CAPN1: variants seen among roughly 807,000 people sequenced by gnomAD.
CAPN1 encodes the protein calpain-1 catalytic subunit.
A neutral mutation model predicts 105.2 loss-of-function variants in CAPN1; 77 were observed. The observed-to-expected ratio is 0.73, with a 90% CI of 0.61 to 0.88. The LOEUF (loss-of-function observed/expected upper bound fraction) is 0.88. Ranked by LOEUF, CAPN1 falls within the 40% of genes least tolerant of loss-of-function variation. CAPN1 has a pLI of 0.00. For synonymous variants in CAPN1, 355 were observed against 388.8 expected (o/e 0.91, Z 1.02); for missense variants, 833 against 976.6 (o/e 0.85, Z 1.96).
rs1948588598 is a variant in CAPN1 at position 65,183,711 on chromosome 11, T to G, written c.456+119T>G. ...GGCCAGCCCTCCCTCTAGCAGGTATTTGACCTCTCAGTGCCATCTCGGGTC... is the reference window on the plus strand; with the variant it reads ...GGCCAGCCCTCCCTCTAGCAGGTATGTGACCTCTCAGTGCCATCTCGGGTC... On this transcript the variant is annotated intron_variant, in intron 4 of 21. Transcript: ENST00000279247. 3 of 689,036 alleles carry G rather than the reference T, an allele frequency of 4.4e-6. No homozygotes were observed. In the Admixed American group the frequency reaches 6.9e-5, roughly 16 times the overall value. The allele number at this position is 689,036 out of a possible 1,614,324, so 42.7% of individuals were successfully genotyped here.
intron 4 of CAPN1, among the ~76,000 whole-genome samples, chr11:65,184,026 A>G (rs1948593874): frequency 6.6e-6 from 1 of 152,108 alleles, no homozygotes; most frequent in South Asian, 2.1e-4. Flanking sequence ...CAGAAAAGAA[A>G]GACTCGGGAT....
At chr11:65,183,394 C>T (rs1307000906) in intron 3 of CAPN1, 80 bp from the exon 4 acceptor site, 3 of 1,230,164 alleles carry the variant, frequency 2.4e-6, no homozygotes, top group Non-Finnish European at 2.4e-6. Flanking sequence ...GGCCAAGGAA[C>T]CCCAGATTCT....
upstream of CAPN1, chr11:65,181,556 CG>C: frequency 4.9e-6 from 2 of 404,660 alleles, no homozygotes; most frequent in South Asian, 3.4e-5. This position sits in a 1 kb window ranked among gnomAD's most constrained non-coding sequence, Gnocchi z 4.6. Flanking sequence ...CGCCAGGGCG[CG>C]CGTGGGGTGC....
chr11:65,199,063 G>A (rs1242025676), intron 10 of CAPN1, among the ~76,000 whole-genome samples: 1 of 152,118 alleles, frequency 6.6e-6, no homozygotes, highest in Non-Finnish European at 1.5e-5. Context: ...TCGAACACCT[G>A]GCCTCAAGTG....
At chr11:65,200,270 G>T (rs1474299360) in intron 10 of CAPN1, among the ~76,000 whole-genome samples, 1 of 151,902 alleles carries the variant, frequency 6.6e-6, no homozygotes, top group East Asian at 1.9e-4. Context: ...TGAGCTCCAG[G>T]ACTCATGCGA....
chr11:65,200,966 A>C, intron 10 of CAPN1, among the ~76,000 whole-genome samples: 1 of 69,986 alleles, frequency 1.4e-5, no homozygotes, highest in Non-Finnish European at 2.5e-5. Context: ...TTTTTTTGAG[A>C]CGGAGTCTGG....
At chr11:65,207,574 C>T (rs996302162) in intron 14 of CAPN1, among the ~76,000 whole-genome samples, 1 of 151,608 alleles carries the variant, frequency 6.6e-6, no homozygotes, top group African/African-American at 2.4e-5. Flanking sequence ...GGATATGGGG[C>T]GGGGCAGGGC....
chr11:65,182,525 A>G (rs768047495), intron 1 of CAPN1, 176 bp from the exon 2 acceptor site: 32 of 622,742 alleles, frequency 5.1e-5, no homozygotes, highest in Non-Finnish European at 7.7e-5. Flanking sequence ...TCCTGGATTC[A>G]CTGGGAGCAC....
At position 65,182,953 on chromosome 11, in the gene CAPN1, G is replaced by A; in HGVS notation, c.252G>A (p.Lys84=). The A allele has an allele frequency of 1.9e-6, 3 of 1,613,582 alleles. No homozygotes were observed. Among genetic ancestry groups the A allele is most frequent in the South Asian group, 1.1e-5 (1 of 91,052 alleles). The change falls in exon 2 of 22, where the codon AAG becomes AAA. Residue 84 remains lysine, a synonymous_variant. Coordinates refer to ENST00000279247, the MANE Select transcript of CAPN1 (RefSeq NM_005186.4). ...ATTCCTCCAAGACCTATGGCATCAA[G>A]TGGAAGCGTCCCACGGTGAGAGGGG... is the stretch of plus-strand genomic sequence containing the variant. ...GPNSSKTYGI[K]WKRPTELLSN...
chr11:65,194,109 G>A (rs918860373), intron 10 of CAPN1, among the ~76,000 whole-genome samples: 1 of 151,362 alleles, frequency 6.6e-6, no homozygotes, highest in Non-Finnish European at 1.5e-5. Flanking sequence ...TTACAGGCAT[G>A]CGCCACCATG....
Position 65,210,174 on chromosome 11 carries a change from C to T in CAPN1, c.1942+78C>T. 7.8e-7 allele frequency: 1 copy of T among 1,278,158 alleles called. No individual in the cohort carries two copies. Among genetic ancestry groups the T allele is most frequent in the Non-Finnish European group, 1.1e-6 (1 of 877,522 alleles). 79.2% of individuals were successfully genotyped at this position (1,278,158 alleles called of 1,614,324 possible). On this transcript the variant is annotated intron_variant, in intron 19 of 21. Coordinates refer to ENST00000279247, the MANE Select transcript of CAPN1 (RefSeq NM_005186.4). This position sits in a 1 kb window ranked among gnomAD's most constrained non-coding sequence, Gnocchi z 4.3. ...TGCTCCTATGCCCCAGGCCCTTGTC[C>T]CTGGGGTGCTAGTGGTGACATGGTA...
intron 10 of CAPN1, 88 bp from the exon 11 acceptor site, chr11:65,204,595 C>G (rs746328749): frequency 5.1e-5 from 58 of 1,140,448 alleles, no homozygotes; most frequent in Non-Finnish European, 6.9e-5. Context: ...TGAATGAATG[C>G]GTGCACAGGG....
In CAPN1 at chr11:65,186,262, G is replaced by T. The variant is rs748491783; in HGVS notation, c.683G>T (p.Arg228Leu). ...GGGGTTACCGAGTGGTACGAGTTGCGCAAGGCTCCCAGTGACCTCTACCAG... is the reference window on the plus strand; with the variant it reads ...GGGGTTACCGAGTGGTACGAGTTGCTCAAGGCTCCCAGTGACCTCTACCAG... ...TGGVTEWYEL[R>L]KAPSDLYQII... Residue 228 changes from arginine (R) to leucine (L), a missense_variant, in exon 6 of 22, where the codon CGC (arginine) becomes CTC (leucine). Arg to Leu is a moderately radical substitution (Grantham distance 102). Coordinates refer to ENST00000279247, the MANE Select transcript of CAPN1 (RefSeq NM_005186.4). 6.2e-7 allele frequency: 1 copy of T among 1,613,452 alleles called. No individual in the cohort carries two copies. The highest frequency in any genetic ancestry group is 1.1e-5 in the South Asian group (1 of 91,006).
Position 65,210,787 on chromosome 11 carries a change from C to T in CAPN1, c.2060-27C>T, listed in dbSNP as rs768895716. The T allele has an allele frequency of 5.0e-6, 8 of 1,601,318 alleles. No homozygotes were observed. The South Asian group carries it at 7.7e-5, about 15-fold the overall frequency. On this transcript the variant is annotated intron_variant, in intron 20 of 21. Coordinates refer to ENST00000279247, the MANE Select transcript of CAPN1 (RefSeq NM_005186.4). The surrounding 1 kb of genome is among the most constrained non-coding windows in gnomAD (Gnocchi z 4.3). Reference sequence around the variant, plus strand: ...TGAATATCCCACTGAGTTTTCAGCCCTGTATCACCTTTTCTTGAACACACA... The same window carrying T: ...TGAATATCCCACTGAGTTTTCAGCCTTGTATCACCTTTTCTTGAACACACA...
chr11:65,209,218 C>T lies in CAPN1; in HGVS notation c.1730-105C>T, dbSNP rs1565422765. Reference sequence around the variant, plus strand: ...TCCTCTGCCAGATATTGCACCCACTCGTCAGGATTTGTGCGTCCTTGACTC... The same window carrying T: ...TCCTCTGCCAGATATTGCACCCACTTGTCAGGATTTGTGCGTCCTTGACTC... On this transcript the variant is annotated intron_variant, in intron 16 of 21. Transcript: ENST00000279247. The surrounding 1 kb of genome is among the most constrained non-coding windows in gnomAD (Gnocchi z 4.1). 1.2e-6 allele frequency: 1 copy of T among 800,268 alleles called. No homozygotes were observed. Among genetic ancestry groups the T allele is most frequent in the South Asian group, 1.5e-5 (1 of 68,416 alleles). The allele number at this position is 800,268 out of a possible 1,614,324, so 49.6% of individuals were successfully genotyped here.
intron 14 of CAPN1, among the ~76,000 whole-genome samples, chr11:65,207,798 A>G (rs1267742307): frequency 6.6e-6 from 1 of 152,100 alleles, no homozygotes; most frequent in African/African-American, 2.4e-5. Context: ...CTTTAATCCC[A>G]GCTACTCAGG....
In CAPN1 at chr11:65,206,534, G is replaced by A. The variant is rs1337210373; in HGVS notation, c.1425G>A (p.Glu475=). 1 of 1,613,344 alleles carries A rather than the reference G, an allele frequency of 6.2e-7. No individual in the cohort carries two copies. The highest frequency in any genetic ancestry group is 8.5e-7 in the Non-Finnish European group (1 of 1,179,886). ...FLANASRARS[E]QFINLREVST... Reference sequence around the variant, plus strand: ...CCAATGCGTCTCGGGCGCGCTCAGAGCAGTTCATCAACCTGCGAGAGGTCA... The same window carrying A: ...CCAATGCGTCTCGGGCGCGCTCAGAACAGTTCATCAACCTGCGAGAGGTCA... Residue 475 remains glutamate (E), a synonymous_variant, in exon 13 of 22, where the codon GAG becomes GAA. Coordinates refer to ENST00000279247, the MANE Select transcript of CAPN1 (RefSeq NM_005186.4).
chr11:65,205,701 C>G lies in CAPN1; in HGVS notation c.1342-9C>G. The G allele has an allele frequency of 6.2e-7, 1 of 1,613,582 alleles. No homozygotes were observed. ...CACATCTCTGACTTCCCCTGTCTCT[C>G]TATTGCAGGTCCCTCCGGAGGTAGG... On this transcript the variant is annotated splice_polypyrimidine_tract_variant and intron_variant, in intron 11 of 21. Coordinates refer to ENST00000279247, the MANE Select transcript of CAPN1 (RefSeq NM_005186.4).
rs536052181 is a variant in CAPN1 at position 65,198,871 on chromosome 11, G to T, written c.1166-5812G>T. Among the ~76,000 whole-genome samples, 6 of 152,308 alleles carry T rather than the reference G, an allele frequency of 3.9e-5. No individual in the cohort carries two copies. The South Asian group carries it at 1.0e-3, about 26-fold the overall frequency. ...GGGGCAGTTGACGGAGTCGCGCTCT[G>T]TCGCCCAGGCTGGAGTGCAGTGGCG... On this transcript the variant is annotated intron_variant, in intron 10 of 21. Coordinates refer to ENST00000279247, the MANE Select transcript of CAPN1 (RefSeq NM_005186.4).
Sources: gnomAD v4.1 joint callset for allele counts (sites outside exome capture counted in the v4.1 genomes callset) on GRCh38, gnomAD v4.1.1 for gene constraint, Gnocchi (gnomAD v3.1) non-coding constraint, MANE v1.5 for transcripts, NCBI Gene and HGNC (gene_info 2026-07-23, HGNC 2026-07-21) for gene names.